Variants in DYNAP observed in about 807,000 individuals in gnomAD.
DYNAP encodes dynactin associated protein.
A neutral mutation model predicts 8.5 loss-of-function variants in DYNAP; 7 were observed. That is an observed-to-expected ratio of 0.82 (90% CI 0.47 to 1.54). The LOEUF (loss-of-function observed/expected upper bound fraction) is 1.54. Among genes scored for constraint, DYNAP ranks in the 40% most tolerant of loss-of-function variants. DYNAP has a pLI of 0.01. For synonymous variants in DYNAP, 77 were observed against 77.9 expected (o/e 0.99, Z 0.06); for missense variants, 256 against 224.3 (o/e 1.14, Z -0.90).
At position 54,595,630 on chromosome 18, in the gene DYNAP, G is replaced by A. The variant is rs374856026; in HGVS notation, c.222+527G>A. ...TAACACAGAAACCTTACTGTTCTCT[G>A]GAGCATCTCCACTAGCTTTGGAGAC... is the stretch of plus-strand genomic sequence containing the variant. On this transcript the variant is annotated intron_variant, in intron 2 of 2. Coordinates refer to ENST00000648945, the MANE Select transcript of DYNAP (RefSeq NM_173629.3). Among the ~76,000 whole-genome samples the A allele has an allele frequency of 5.9e-5, 9 of 152,180 alleles. No individual in the cohort carries two copies. The East Asian group carries it at 9.7e-4, about 16-fold the overall frequency.
intron 1 of DYNAP, among the ~76,000 whole-genome samples, chr18:54,594,669 G>A (rs1016443625): frequency 4.6e-5 from 7 of 152,070 alleles, no homozygotes; most frequent in Admixed American, 4.6e-4. Flanking sequence ...ACATACAGCA[G>A]CTTGCAACAT....
the DYNAP span, among the ~76,000 whole-genome samples, chr18:54,582,402 A>G: frequency 9.3e-5 from 14 of 151,338 alleles, no homozygotes; most frequent in South Asian, 2.7e-3. Flanking sequence ...AATTTCTGTT[A>G]TAAGTCAGAA....
chr18:54,582,978 C>T (rs1370742978), upstream of DYNAP, among the ~76,000 whole-genome samples: 1 of 152,164 alleles, frequency 6.6e-6, no homozygotes, highest in Non-Finnish European at 1.5e-5. Flanking sequence ...CAACAACCAT[C>T]AACGCTTTTT....
At position 54,598,279 on chromosome 18, in the gene DYNAP, C is replaced by A; in HGVS notation, c.*134C>A. 1 of 904,900 alleles carries A rather than the reference C, an allele frequency of 1.1e-6. No individual in the cohort carries two copies. Among genetic ancestry groups the A allele is most frequent in the South Asian group, 2.1e-5 (1 of 47,828 alleles). 56.1% of individuals were successfully genotyped at this position (904,900 alleles called of 1,614,324 possible). On this transcript the variant is annotated 3_prime_UTR_variant, in exon 3 of 3. Transcript: ENST00000648945. Reference sequence around the variant, plus strand: ...CAGTCACTTTAACAGACTCTATAACCGTTACAACTTCAACAAAATCAAGTC... The same window carrying A: ...CAGTCACTTTAACAGACTCTATAACAGTTACAACTTCAACAAAATCAAGTC...
chr18:54,584,213 T>C (rs1910803895), upstream of DYNAP, among the ~76,000 whole-genome samples: 1 of 150,196 alleles, frequency 6.7e-6, no homozygotes, highest in Non-Finnish European at 1.5e-5. Context: ...AATTTCACTT[T>C]TAATTATACA....
chr18:54,576,837 ACAC>A, the DYNAP span, among the ~76,000 whole-genome samples: 6 of 150,430 alleles, frequency 4.0e-5, no homozygotes, highest in African/African-American at 1.5e-4. Context: ...AACAACAACA[ACAC>A]CAAAAAAACC....
chr18:54,586,404 G>A (rs1242771256), upstream of DYNAP, among the ~76,000 whole-genome samples: 1 of 152,142 alleles, frequency 6.6e-6, no homozygotes, highest in African/African-American at 2.4e-5. Flanking sequence ...CACCCTGGGA[G>A]TTGCTAAATT....
At chr18:54,582,516 A>G in the DYNAP span, among the ~76,000 whole-genome samples, 1 of 152,244 alleles carries the variant, frequency 6.6e-6, no homozygotes, top group Non-Finnish European at 1.5e-5. Context: ...TGTTTAATAA[A>G]TGGTTGAGTG....
rs1009639345 is a variant in DYNAP, at chr18:54,598,811, A to G, written c.*666A>G. 6.6e-6 allele frequency: 1 copy of G among 152,184 alleles called. No individual in the cohort carries two copies. Among genetic ancestry groups the G allele is most frequent in the Non-Finnish European group, 1.5e-5 (1 of 68,048 alleles). The allele number at this position is 152,184 out of a possible 1,614,324, so 9.4% of individuals were successfully genotyped here. On this transcript the variant is annotated 3_prime_UTR_variant, in exon 3 of 3. Coordinates refer to ENST00000648945, the MANE Select transcript of DYNAP (RefSeq NM_173629.3). ...TCTTTCCAGATCCAGGAGATAATCA[A>G]CTAAGAGCCAGGCACCCTTTTAGGT...
Position 54,597,807 on chromosome 18 carries a change from G to T in DYNAP, c.223-6G>T, listed in dbSNP as rs774381724. 1 of 1,596,780 alleles carries T rather than the reference G, an allele frequency of 6.3e-7. No individual in the cohort carries two copies. Among genetic ancestry groups the T allele is most frequent in the Middle Eastern group, 1.7e-4 (1 of 5,968 alleles). ...TCATTGCTGATATTTTTATATACAT[G>T]CTTAGGTAAAAGAATATTGCCGCAA... On this transcript the variant is annotated splice_polypyrimidine_tract_variant and splice_region_variant and intron_variant, in intron 2 of 2. Transcript: ENST00000648945.
chr18:54,582,522 G>A, the DYNAP span, among the ~76,000 whole-genome samples: 2 of 152,168 alleles, frequency 1.3e-5, no homozygotes, highest in African/African-American at 4.8e-5. Context: ...ATAAATGGTT[G>A]AGTGAATATT....
intron 1 of DYNAP, among the ~76,000 whole-genome samples, chr18:54,592,300 G>T (rs974208373): frequency 4.0e-5 from 6 of 151,866 alleles, no homozygotes; most frequent in Admixed American, 1.3e-4. Context: ...CCTTGGTCAG[G>T]TATGTATCAT....
the DYNAP span, among the ~76,000 whole-genome samples, chr18:54,582,285 C>CA: frequency 0.046 from 6,600 of 143,966 alleles, 200 homozygotes; most frequent in Admixed American, 0.083. Context: ...GACTCCATCT[C>CA]AAAAAAAAAA....
upstream of DYNAP, among the ~76,000 whole-genome samples, chr18:54,588,058 T>G (rs897965444): frequency 1.2e-4 from 18 of 152,054 alleles, no homozygotes; most frequent in Non-Finnish European, 2.5e-4. Context: ...TCAAACAAAT[T>G]TGAAAGTTAA....
At position 54,595,071 on chromosome 18, in the gene DYNAP, A is replaced by G. The variant is rs1201942054; in HGVS notation, c.190A>G (p.Arg64Gly). The G allele has an allele frequency of 3.7e-6, 6 of 1,612,364 alleles. No individual in the cohort carries two copies. The Admixed American group carries it at 6.7e-5, about 18-fold the overall frequency. ...GAACCCAGGAATCCTTGCACATTCA[A>G]GATGTCTACAGTCAGAATCCTGTAA... ...CVNPGILAHS[R>G]CLQSESCNTQ... Residue 64 changes from arginine (R) to glycine (G), a missense_variant, in exon 2 of 3, where the codon AGA becomes GGA. Arg to Gly is a moderately radical substitution (Grantham distance 125). Transcript: ENST00000648945.
At chr18:54,583,336 A>G (rs1910779381), upstream of DYNAP, among the ~76,000 whole-genome samples, 1 of 152,158 alleles carries the variant, frequency 6.6e-6, no homozygotes. Flanking sequence ...TATCTGTTGA[A>G]GCTTGTGTAT....
chr18:54,584,189 CCTG>C (rs557054610), upstream of DYNAP, among the ~76,000 whole-genome samples: 106 of 150,584 alleles, frequency 7.0e-4, 1 homozygote, highest in African/African-American at 2.2e-3. Context: ...AAAATACACA[CCTG>C]ATGATACAGA....
At chr18:54,579,275 G>A in the DYNAP span, among the ~76,000 whole-genome samples, 95 of 152,198 alleles carry the variant, frequency 6.2e-4, 1 homozygote, top group African/African-American at 2.1e-3. Context: ...TTAAAACCAC[G>A]CAATGCTGGC....
At chr18:54,580,412 G>A in the DYNAP span, among the ~76,000 whole-genome samples, 9 of 152,100 alleles carry the variant, frequency 5.9e-5, no homozygotes, top group South Asian at 2.1e-4. Flanking sequence ...CACTATTATC[G>A]TGTCAAATTA....
Sources: allele counts gnomAD v4.1 joint callset (sites outside exome capture counted in the v4.1 genomes callset), GRCh38; gene constraint gnomAD v4.1.1; transcripts MANE v1.5; gene names NCBI Gene and HGNC (gene_info 2026-07-23, HGNC 2026-07-21).